Variants in ABCA13 observed in about 807,000 individuals in gnomAD.
ABCA13 encodes the protein ATP binding cassette subfamily A member 13.
In ABCA13, 476 loss-of-function variants were observed where a neutral mutation model predicts 478.7. The observed-to-expected ratio is 0.99, with a 90% CI of 0.92 to 1.07. The LOEUF is 1.07. Ranked by LOEUF, ABCA13 falls within the 50% of genes least tolerant of loss-of-function variation. ABCA13 has a pLI of 0.00. For missense variants in ABCA13, 6,060 were observed against 5,910.6 expected, an observed-to-expected ratio of 1.03 and a Z score of -0.83; for synonymous variants, 2,252 against 2,158.9, an observed-to-expected ratio of 1.04 and a Z score of -1.20.
At chr7:48,369,671 T>C (rs574720116) in intron 32 of ABCA13, among the ~76,000 whole-genome samples, 1 of 152,320 alleles carries the variant, frequency 6.6e-6, no homozygotes, top group East Asian at 1.9e-4. Context: ...CTTTATGTTT[T>C]TGTTTGCTTT....
chr7:48,409,862 C>T (rs572861157), intron 39 of ABCA13, among the ~76,000 whole-genome samples: 2 of 149,366 alleles, frequency 1.3e-5, no homozygotes, highest in South Asian at 4.2e-4. Flanking sequence ...GGTGGACCAT[C>T]GGAGGTCAGA....
chr7:48,515,444 T>C (rs186489090), intron 51 of ABCA13, among the ~76,000 whole-genome samples: 3 of 152,208 alleles, frequency 2.0e-5, no homozygotes, highest in Admixed American at 2.0e-4. Context: ...GAAAATGAGA[T>C]GTTTTCCTTT....
intron 42 of ABCA13, among the ~76,000 whole-genome samples, chr7:48,434,181 TC>T (rs1449119617): frequency 6.6e-6 from 1 of 152,022 alleles, no homozygotes; most frequent in Non-Finnish European, 1.5e-5. Context: ...TGCTTGTTAT[TC>T]CACCTTTTAA....
intron 27 of ABCA13, among the ~76,000 whole-genome samples, chr7:48,319,253 AG>A (rs999317424): frequency 2.6e-4 from 40 of 152,314 alleles, no homozygotes; most frequent in African/African-American, 8.9e-4. Flanking sequence ...GTTTTTGCTT[AG>A]CCCCTTTTTA....
intron 35 of ABCA13, among the ~76,000 whole-genome samples, chr7:48,382,501 A>G (rs1006787780): frequency 6.6e-6 from 1 of 152,210 alleles, no homozygotes; most frequent in Non-Finnish European, 1.5e-5. Context: ...CAGATAAAAT[A>G]CAGGGCACCC....
chr7:48,384,729 C>T (rs970170087), intron 35 of ABCA13, among the ~76,000 whole-genome samples: 3 of 152,182 alleles, frequency 2.0e-5, no homozygotes, highest in Non-Finnish European at 4.4e-5. Context: ...CAAAGTACCA[C>T]AAACTGGGTG....
intron 16 of ABCA13, among the ~76,000 whole-genome samples, chr7:48,270,431 A>G (rs1444186992): frequency 6.6e-6 from 1 of 152,130 alleles, no homozygotes; most frequent in African/African-American, 2.4e-5. Flanking sequence ...TTATTATTCT[A>G]TTGCTACTCC....
At chr7:48,481,276 T>C (rs1828731362) in intron 46 of ABCA13, 122 bp downstream of exon 46, 1 of 765,514 alleles carries the variant, frequency 1.3e-6, no homozygotes, top group Non-Finnish European at 2.2e-6. Context: ...CTCATAAAAA[T>C]TCCACAGTGT....
At chr7:48,191,484 A>C (rs934634876) in intron 1 of ABCA13, among the ~76,000 whole-genome samples, 3 of 152,090 alleles carry the variant, frequency 2.0e-5, no homozygotes, top group African/African-American at 7.2e-5. Flanking sequence ...ACTCACTGCA[A>C]CCTCCACCTC....
chr7:48,433,605 A>G (rs546154010), intron 42 of ABCA13, among the ~76,000 whole-genome samples: 1 of 151,940 alleles, frequency 6.6e-6, no homozygotes, highest in Admixed American at 6.6e-5. Flanking sequence ...TTATTGTGCA[A>G]CCATCATCAT....
chr7:48,547,598 A>G (rs1162696588), intron 55 of ABCA13, among the ~76,000 whole-genome samples: 3 of 151,838 alleles, frequency 2.0e-5, no homozygotes, highest in Admixed American at 2.0e-4. Flanking sequence ...TTCACACTGA[A>G]GATGCTCACT....
At chr7:48,506,252 G>A in intron 48 of ABCA13, 84 bp from the exon 49 acceptor site, 1 of 1,438,770 alleles carries the variant, frequency 7.0e-7, no homozygotes, top group East Asian at 2.3e-5. Context: ...TGATGGCACA[G>A]GGAATCTGCG....
intron 55 of ABCA13, among the ~76,000 whole-genome samples, chr7:48,574,098 C>T (rs193004123): frequency 2.0e-5 from 3 of 151,974 alleles, no homozygotes; most frequent in Admixed American, 2.0e-4. Context: ...GGAGTTAGGA[C>T]CCCAATATTA....
At chr7:48,628,654 G>A (rs1291915668) in intron 59 of ABCA13, among the ~76,000 whole-genome samples, 2 of 152,160 alleles carry the variant, frequency 1.3e-5, no homozygotes, top group Non-Finnish European at 2.9e-5. Context: ...TGTACTTAGA[G>A]GTTATTGTCT....
rs201912105 is a variant in ABCA13 at position 48,272,367 on chromosome 7, A to G, written c.2701A>G (p.Ser901Gly). ...FVRLSEAIIT[S>G]LHEFGFLEQE... ...ACGTTTAAGTGAGGCTATAATAACT[A>G]GTCTCCATGAATTTGGATTTTTGGA... Residue 901 changes from serine (S) to glycine (G), a missense_variant, in exon 17 of 62, where the codon AGT becomes GGT. Coordinates refer to ENST00000435803, the MANE Select transcript of ABCA13 (RefSeq NM_152701.5). The G allele has an allele frequency of 1.2e-6, 2 of 1,613,788 alleles. No homozygotes were observed. Among genetic ancestry groups the G allele is most frequent in the Admixed American group, 3.3e-5 (2 of 60,004 alleles).
At chr7:48,429,073 C>T (rs1821798045) in intron 42 of ABCA13, among the ~76,000 whole-genome samples, 1 of 152,206 alleles carries the variant, frequency 6.6e-6, no homozygotes, top group African/African-American at 2.4e-5. Context: ...GCTTCTTTCA[C>T]TCAGCACAAT....
In ABCA13 at chr7:48,288,086, G is replaced by A. The variant is rs778758441; in HGVS notation, c.8955+8G>A. 1.3e-5 allele frequency: 21 copies of A among 1,609,114 alleles called. No individual in the cohort carries two copies. Among genetic ancestry groups the A allele is most frequent in the South Asian group, 7.7e-5 (7 of 90,930 alleles). On this transcript the variant is annotated splice_region_variant and intron_variant, in intron 20 of 61. Coordinates refer to ENST00000435803, the MANE Select transcript of ABCA13 (RefSeq NM_152701.5). ...GCGCAGGACCACTTCCAGGTTTGTCGTCTTTAATATTTCAGAGAATTTCAT... is the reference window on the plus strand; with the variant it reads ...GCGCAGGACCACTTCCAGGTTTGTCATCTTTAATATTTCAGAGAATTTCAT...
intron 42 of ABCA13, among the ~76,000 whole-genome samples, chr7:48,433,201 A>T (rs1822375168): frequency 6.6e-6 from 1 of 151,910 alleles, no homozygotes; most frequent in East Asian, 1.9e-4. Context: ...GGGTAAAAAG[A>T]TGCTGGTAAT....
chr7:48,202,033 C>T (rs1044638664), intron 3 of ABCA13, among the ~76,000 whole-genome samples: 7 of 152,242 alleles, frequency 4.6e-5, no homozygotes, highest in African/African-American at 1.7e-4. Context: ...CGTGGTCTCG[C>T]TGGTATCAGG....
Sources: gnomAD v4.1 joint callset for allele counts (sites outside exome capture counted in the v4.1 genomes callset) on GRCh38, gnomAD v4.1.1 for gene constraint, MANE v1.5 for transcripts, NCBI Gene and HGNC (gene_info 2026-07-23, HGNC 2026-07-21) for gene names.